FRAS1: variants seen among roughly 807,000 people sequenced by gnomAD.
The protein encoded by FRAS1 is Fraser extracellular matrix complex subunit 1.
A neutral mutation model predicts 435.2 loss-of-function variants in FRAS1; 290 were observed. The observed-to-expected ratio is 0.67, with a 90% CI of 0.61 to 0.73. The LOEUF (loss-of-function observed/expected upper bound fraction) is 0.73, where lower values mean the gene tolerates loss of function less well. Among genes scored for constraint, FRAS1 ranks in the 30% least tolerant of loss-of-function variants. FRAS1 has a pLI of 0.00. For missense variants in FRAS1, 4,860 were observed against 5,001.5 expected (o/e 0.97, Z 0.85); for synonymous variants, 1,800 against 1,851.0 (o/e 0.97, Z 0.71).
At chr4:78,118,024 C>T (rs1288908858) in intron 2 of FRAS1, among the ~76,000 whole-genome samples, 1 of 152,206 alleles carries the variant, frequency 6.6e-6, no homozygotes, top group East Asian at 1.9e-4. Flanking sequence ...GATGTCCTTT[C>T]TGTTTGTTAG....
chr4:78,281,484 G>A, intron 11 of FRAS1, 51 bp downstream of exon 11: 6 of 1,188,212 alleles, frequency 5.0e-6, no homozygotes, highest in Non-Finnish European at 7.1e-6. Context: ...ATTGTTTTAT[G>A]TAATGATCTG....
chr4:78,082,974 A>G (rs972913382), intron 2 of FRAS1, among the ~76,000 whole-genome samples: 3 of 152,168 alleles, frequency 2.0e-5, no homozygotes, highest in Non-Finnish European at 1.5e-5. Flanking sequence ...ATTAGACTGC[A>G]TGGAGTCAGC....
intron 2 of FRAS1, among the ~76,000 whole-genome samples, chr4:78,161,768 A>AAAAG (rs1288884127): frequency 2.8e-5 from 4 of 140,740 alleles, no homozygotes; most frequent in South Asian, 4.3e-4. Context: ...AAAAAAAAAA[A>AAAAG]AAAAGAAAAG....
intron 58 of FRAS1, 87 bp downstream of exon 58, chr4:78,482,622 C>T (rs1397663357): frequency 2.9e-6 from 4 of 1,382,974 alleles, no homozygotes; most frequent in Non-Finnish European, 3.0e-6. Flanking sequence ...GGAACTCATT[C>T]ACATTTTCAT....
chr4:78,363,656 G>C lies in FRAS1; in HGVS notation c.2566G>C (p.Ala856Pro), dbSNP rs370402348. 2 of 1,587,576 alleles carry C rather than the reference G, an allele frequency of 1.3e-6. No homozygotes were observed. Among genetic ancestry groups the C allele is most frequent in the Non-Finnish European group, 1.7e-6 (2 of 1,166,976 alleles). ...CPSGYYAERGACKKCHSSCRT... is the reference protein window; with the variant it reads ...CPSGYYAERGPCKKCHSSCRT... ...TTCAGGATACTATGCAGAGAGAGGA[G>C]CTTGTAAAAGTGAGTAAGTGCTGGA... The change falls in exon 21 of 74, where the codon GCT (alanine) becomes CCT (proline). Residue 856 changes from alanine (A) to proline (P), a missense_variant. Transcript: ENST00000512123.
At chr4:78,463,338 T>G (rs998558214) in intron 47 of FRAS1, among the ~76,000 whole-genome samples, 1 of 152,124 alleles carries the variant, frequency 6.6e-6, no homozygotes, top group African/African-American at 2.4e-5. Context: ...AAAAAATGAT[T>G]TTTTCTCTAT....
At chr4:78,085,935 C>A (rs1353253565) in intron 2 of FRAS1, among the ~76,000 whole-genome samples, 2 of 152,022 alleles carry the variant, frequency 1.3e-5, no homozygotes, top group Non-Finnish European at 2.9e-5. Context: ...CTAATAGACA[C>A]CTACAGAACT....
At chr4:78,496,167 A>G (rs190677712) in intron 59 of FRAS1, among the ~76,000 whole-genome samples, 1 of 152,338 alleles carries the variant, frequency 6.6e-6, no homozygotes, top group Non-Finnish European at 1.5e-5. Flanking sequence ...CAAAAATACA[A>G]TCCTCAGTAG....
chr4:78,532,693 G>A (rs1012946478), intron 70 of FRAS1, among the ~76,000 whole-genome samples: 7 of 151,992 alleles, frequency 4.6e-5, no homozygotes, highest in Non-Finnish European at 7.4e-5. Flanking sequence ...GTTCCCACCC[G>A]AATCAGCTTT....
chr4:78,441,637 GA>G (rs5859622), intron 41 of FRAS1, among the ~76,000 whole-genome samples: 106,280 of 151,716 alleles, frequency 0.7, 37,498 homozygotes, highest in Non-Finnish European at 0.74. Context: ...AAATATTATG[GA>G]AAAAAATAGA....
rs761183175 is a variant in FRAS1, at chr4:78,515,887, A to G, written c.10263A>G (p.Arg3421=). ...DRPFQFDPSV[R]EPKTIQLYKH... ...CCTTCCAGTTTGACCCCAGCGTGCGAGAGCCGAAGACCATCCAGCTCTACA... is the reference window on the plus strand; with the variant it reads ...CCTTCCAGTTTGACCCCAGCGTGCGGGAGCCGAAGACCATCCAGCTCTACA... Residue 3421 remains arginine, a synonymous_variant, in exon 66 of 74, where the codon CGA becomes CGG. Transcript: ENST00000512123. 2 of 1,614,014 alleles carry G rather than the reference A, an allele frequency of 1.2e-6. No individual in the cohort carries two copies. The highest frequency in any genetic ancestry group is 2.2e-5 in the South Asian group (2 of 91,082).
intron 2 of FRAS1, among the ~76,000 whole-genome samples, chr4:78,102,921 C>T (rs926879097): frequency 6.6e-6 from 1 of 152,178 alleles, no homozygotes; most frequent in Non-Finnish European, 1.5e-5. Flanking sequence ...TTGGAAATGG[C>T]ATGGGGTGTA....
At chr4:78,359,153 G>A (rs985551292) in intron 20 of FRAS1, among the ~76,000 whole-genome samples, 3 of 152,136 alleles carry the variant, frequency 2.0e-5, no homozygotes, top group Admixed American at 2.0e-4. Context: ...GTCTGAACCT[G>A]CTCAGCCCTT....
chr4:78,332,050 G>A (rs751048136), intron 18 of FRAS1, among the ~76,000 whole-genome samples: 5 of 152,214 alleles, frequency 3.3e-5, no homozygotes, highest in Non-Finnish European at 7.3e-5. Context: ...AATGGGTGAA[G>A]TAGGGTAAGC....
chr4:78,527,342 A>T (rs547758429), intron 70 of FRAS1, among the ~76,000 whole-genome samples: 1 of 152,042 alleles, frequency 6.6e-6, no homozygotes, highest in South Asian at 2.1e-4. Context: ...TCATTCATTC[A>T]TTCATATTTA....
chr4:78,169,603 T>C (rs985032879), intron 2 of FRAS1, among the ~76,000 whole-genome samples: 1 of 152,140 alleles, frequency 6.6e-6, no homozygotes, highest in Admixed American at 6.5e-5. Flanking sequence ...TTGTATTTTA[T>C]TATTATCAAG....
chr4:78,267,141 C>A, intron 8 of FRAS1, 100 bp from the exon 9 acceptor site: 1 of 1,216,902 alleles, frequency 8.2e-7, no homozygotes, highest in Non-Finnish European at 1.2e-6. Flanking sequence ...AGAGAAAGAG[C>A]CATGTAGAGC....
chr4:78,330,489 A>G (rs1729902367), intron 18 of FRAS1, among the ~76,000 whole-genome samples: 1 of 152,244 alleles, frequency 6.6e-6, no homozygotes, highest in South Asian at 2.1e-4. Context: ...TGCAGAACAG[A>G]GCCATATTTC....
chr4:78,297,824 C>G (rs1342678347), intron 14 of FRAS1, among the ~76,000 whole-genome samples: 2 of 151,854 alleles, frequency 1.3e-5, no homozygotes, highest in Admixed American at 6.6e-5. Flanking sequence ...TTTATAATAA[C>G]CCAAATATAA....
Sources: gnomAD v4.1 joint callset for allele counts (sites outside exome capture counted in the v4.1 genomes callset) on GRCh38, gnomAD v4.1.1 for gene constraint, MANE v1.5 for transcripts, NCBI Gene and HGNC (gene_info 2026-07-23, HGNC 2026-07-21) for gene names.